NBEAL1: variants seen among roughly 807,000 people sequenced by gnomAD.
NBEAL1 encodes neurobeachin like 1, also known as neurobeachin-like protein 1.
Under a neutral mutation model 351.3 loss-of-function variants are expected in NBEAL1, and 273 were observed. That is an observed-to-expected ratio of 0.78 (90% confidence interval 0.70 to 0.86). NBEAL1 has a LOEUF of 0.86. Ranked by LOEUF, NBEAL1 falls within the 40% of genes least tolerant of loss-of-function variation. The pLI is 0.00. For synonymous variants in NBEAL1, 1,050 were observed against 1,086.4 expected, an observed-to-expected ratio of 0.97 and a Z score of 0.66; for missense variants, 2,961 against 3,201.3, an observed-to-expected ratio of 0.92 and a Z score of 1.81.
chr2:203,105,967 C>T (rs547407728), intron 12 of NBEAL1, among the ~76,000 whole-genome samples: 1 of 152,288 alleles, frequency 6.6e-6, no homozygotes, highest in South Asian at 2.1e-4. Context: ...TAAAATATGA[C>T]ATTTTTCACA....
At chr2:203,131,476 T>C (rs2063071306) in intron 25 of NBEAL1, among the ~76,000 whole-genome samples, 1 of 152,184 alleles carries the variant, frequency 6.6e-6, no homozygotes, top group Non-Finnish European at 1.5e-5. Context: ...TCAGCCTCGC[T>C]AAGTGCTGGG....
chr2:203,107,033 T>C (rs1187791730), intron 12 of NBEAL1, among the ~76,000 whole-genome samples: 2 of 152,166 alleles, frequency 1.3e-5, no homozygotes, highest in African/African-American at 4.8e-5. Context: ...GATATCTGAC[T>C]CCTCTTACCT....
chr2:203,190,273 TGAC>T lies in NBEAL1; in HGVS notation c.6824-18_6824-16del, dbSNP rs1171399398. The T allele has an allele frequency of 6.3e-7, 1 of 1,576,764 alleles. No individual in the cohort carries two copies. The highest frequency in any genetic ancestry group is 1.4e-5 in the African/African-American group (1 of 73,434). ...GATTTGTTTTCACTCTATAGTAAGT[TGAC>T]TTCTTCTGGTTTTAGGAGCTGTGGA... On this transcript the variant is annotated splice_polypyrimidine_tract_variant and intron_variant, in intron 45 of 55. Transcript: ENST00000683969.
At chr2:203,071,198 T>C (rs868169350) in intron 7 of NBEAL1, among the ~76,000 whole-genome samples, 24 of 152,212 alleles carry the variant, frequency 1.6e-4, no homozygotes, top group Admixed American at 3.9e-4. Context: ...AACAAAATAC[T>C]GTAGACTGGG....
chr2:203,184,287 T>G (rs542817670), intron 44 of NBEAL1, among the ~76,000 whole-genome samples: 27 of 151,414 alleles, frequency 1.8e-4, no homozygotes, highest in African/African-American at 6.5e-4. Flanking sequence ...AAAAATTAGG[T>G]GGGTGTGTTG....
intron 6 of NBEAL1, among the ~76,000 whole-genome samples, chr2:203,060,212 G>T (rs1473844923): frequency 2.6e-5 from 4 of 152,130 alleles, no homozygotes; most frequent in Admixed American, 6.6e-5. Flanking sequence ...TAAAGATGGG[G>T]AGAGAAGATT....
At chr2:203,131,435 C>T (rs1451670087) in intron 25 of NBEAL1, among the ~76,000 whole-genome samples, 1 of 152,136 alleles carries the variant, frequency 6.6e-6, no homozygotes, top group Non-Finnish European at 1.5e-5. Flanking sequence ...AGGCTGGTCT[C>T]GAACTCCTGA....
chr2:203,071,308 G>T (rs1399475844), intron 7 of NBEAL1, among the ~76,000 whole-genome samples: 2 of 152,158 alleles, frequency 1.3e-5, no homozygotes, highest in Non-Finnish European at 2.9e-5. Flanking sequence ...CTTGCAGATA[G>T]TCACCTTCTT....
intron 4 of NBEAL1, among the ~76,000 whole-genome samples, chr2:203,052,628 G>A (rs2061341076): frequency 6.6e-6 from 1 of 151,990 alleles, no homozygotes; most frequent in African/African-American, 2.4e-5. Context: ...CTTGATAAGG[G>A]CTCATTGCAT....
At chr2:203,198,282 G>A (rs2065295318) in intron 48 of NBEAL1, among the ~76,000 whole-genome samples, 1 of 151,822 alleles carries the variant, frequency 6.6e-6, no homozygotes, top group African/African-American at 2.4e-5. Context: ...CAAAGTGCCT[G>A]CGTTTTTTAA....
At position 203,202,680 on chromosome 2, in the gene NBEAL1, C is replaced by T. The variant is rs114462380; in HGVS notation, c.7412-7C>T. On this transcript the variant is annotated splice_region_variant and splice_polypyrimidine_tract_variant and intron_variant, in intron 50 of 55. Coordinates refer to ENST00000683969, the MANE Select transcript of NBEAL1 (RefSeq NM_001378026.1). ...CATCTCATTTTATTTAATTCCTTTT[C>T]TTACAGATATTGTGACTTGCTTAGC... The T allele has an allele frequency of 1.3e-6, 2 of 1,524,788 alleles. No individual in the cohort carries two copies. Among genetic ancestry groups the T allele is most frequent in the Non-Finnish European group, 1.8e-6 (2 of 1,101,620 alleles). The allele number at this position is 1,524,788 out of a possible 1,614,324, so 94.5% of individuals were successfully genotyped here. A position where few individuals can be genotyped will look rare whatever the true frequency, so the allele number is the denominator to read the frequency against.
intron 39 of NBEAL1, 135 bp downstream of exon 39, chr2:203,169,986 T>G: frequency 1.7e-6 from 1 of 602,690 alleles, no homozygotes; most frequent in Non-Finnish European, 2.9e-6. Context: ...TATCTTTGAA[T>G]CTTCCTTTGT....
Position 203,111,978 on chromosome 2 carries a change from G to A in NBEAL1, c.2083-1G>A. ...TTTAAATGTGTGTTTCACTTTACCAGCACAACATAACTGTTGTCCACATGC... is the reference window on the plus strand; with the variant it reads ...TTTAAATGTGTGTTTCACTTTACCAACACAACATAACTGTTGTCCACATGC... On this transcript the variant is annotated splice_acceptor_variant, in intron 15 of 55. Transcript: ENST00000683969. LOFTEE classifies it high-confidence loss of function. The A allele has an allele frequency of 6.5e-7, 1 of 1,546,816 alleles. No homozygotes were observed. The highest frequency in any genetic ancestry group is 8.7e-7 in the Non-Finnish European group (1 of 1,146,050).
intron 51 of NBEAL1, 114 bp from the exon 52 acceptor site, chr2:203,208,523 T>G (rs2065675107): frequency 4.2e-6 from 3 of 708,480 alleles, no homozygotes; most frequent in Non-Finnish European, 7.5e-6. Flanking sequence ...ACTCAGTGGT[T>G]GTAACTAGTT....
At position 203,191,395 on chromosome 2, in the gene NBEAL1, T is replaced by C. The variant is rs556728777; in HGVS notation, c.6921+1006T>C. The C allele has an allele frequency of 6.1e-4, 169 of 279,282 alleles. 1 individual carries two copies. The highest frequency in any genetic ancestry group is 9.8e-4 in the Non-Finnish European group (143 of 145,498). 17.3% of individuals were successfully genotyped at this position (279,282 alleles called of 1,614,324 possible). On this transcript the variant is annotated intron_variant, in intron 46 of 55. Transcript: ENST00000683969. ...AAATTATTAAATATTACTACATATA[T>C]TTCTTTCCCTATACTGGTATCTGAA...
At chr2:203,060,587 T>TA (rs1309285653) in intron 6 of NBEAL1, among the ~76,000 whole-genome samples, 2 of 152,232 alleles carry the variant, frequency 1.3e-5, no homozygotes, top group Admixed American at 6.5e-5. Flanking sequence ...TTTAATTTTT[T>TA]AAAAAACCAC....
chr2:203,152,371 T>A (rs1425897325), intron 35 of NBEAL1, among the ~76,000 whole-genome samples: 4 of 149,896 alleles, frequency 2.7e-5, no homozygotes, highest in Non-Finnish European at 5.9e-5. Flanking sequence ...AAAAAACTAC[T>A]TGAGGTCAGG....
At chr2:203,133,012 G>T (rs1344511711) in intron 26 of NBEAL1, 46 bp from the exon 27 acceptor site, 1 of 802,586 alleles carries the variant, frequency 1.2e-6, no homozygotes, top group Non-Finnish European at 2.0e-6. Context: ...TCTTTCTTTG[G>T]TTATCTCTGG....
chr2:203,201,323 T>G (rs772912606), intron 49 of NBEAL1, among the ~76,000 whole-genome samples: 4 of 152,242 alleles, frequency 2.6e-5, no homozygotes, highest in Non-Finnish European at 5.9e-5. Flanking sequence ...TCACCTTTTT[T>G]TGTTTACCAC....
Sources: allele counts gnomAD v4.1 joint callset (sites outside exome capture counted in the v4.1 genomes callset), GRCh38; gene constraint gnomAD v4.1.1; transcripts MANE v1.5; gene names NCBI Gene and HGNC (gene_info 2026-07-23, HGNC 2026-07-21).